The following AP1G1 variants were observed in gnomAD, a reference collection of about 807,000 sequenced individuals.
The protein encoded by AP1G1 is adaptor related protein complex 1 subunit gamma 1.
In AP1G1, 7 loss-of-function variants were observed where a neutral mutation model predicts 108.3. The ratio of observed to expected loss-of-function variants is 0.06; its 90% CI spans 0.04 to 0.12. The LOEUF (loss-of-function observed/expected upper bound fraction) is 0.12. Among genes scored for constraint, AP1G1 ranks in the 10% least tolerant of loss-of-function variants. The pLI is 1.00. For missense variants in AP1G1, 756 were observed against 1,010.7 expected (o/e 0.75, Z 3.42); for synonymous variants, 379 against 353.5 (o/e 1.07, Z -0.81).
intron 6 of AP1G1, chr16:71,767,953 T>A: frequency 6.6e-7 from 1 of 1,520,706 alleles, no homozygotes; most frequent in African/African-American, 1.4e-5. Context: ...TAGGGACAGA[T>A]ACGGGTCTCA....
chr16:71,765,726 A>C lies in AP1G1; in HGVS notation c.643-142T>G, dbSNP rs762435956. The C allele has an allele frequency of 1.3e-4, 86 of 639,114 alleles. 1 individual carries two copies. The highest frequency in any genetic ancestry group is 2.3e-4 in the Non-Finnish European group (82 of 351,704). The allele number at this position is 639,114 out of a possible 1,614,324, so 39.6% of individuals were successfully genotyped here. A position where few individuals can be genotyped will look rare whatever the true frequency, so the allele number is the denominator to read the frequency against. On this transcript the variant is annotated intron_variant, in intron 6 of 22. Transcript: ENST00000299980. Reference sequence around the variant, plus strand: ...GATTTAATATACTAGTGTATTGTAGATGTTTGATAAACTTAGGAGTAACTT... The same window carrying C: ...GATTTAATATACTAGTGTATTGTAGCTGTTTGATAAACTTAGGAGTAACTT...
chr16:71,808,653 A>G, intron 1 of AP1G1, 110 bp downstream of exon 1: 1 of 1,289,326 alleles, frequency 7.8e-7, no homozygotes, highest in Non-Finnish European at 1.0e-6. Context: ...CTCAACACCC[A>G]CAGCCTGGGA....
chr16:71,770,074 G>A (rs1308965924), intron 5 of AP1G1, among the ~76,000 whole-genome samples: 3 of 152,004 alleles, frequency 2.0e-5, no homozygotes, highest in Non-Finnish European at 4.4e-5. Context: ...AATTCAAGAG[G>A]CAAAAATCTT....
At chr16:71,808,494 G>GTCAAAGTCAAAGTCA in intron 1 of AP1G1, 3 of 1,265,432 alleles carry the variant, frequency 2.4e-6, no homozygotes, top group Non-Finnish European at 3.1e-6. Context: ...AGGGTTCAAG[G>GTCAAAGTCAAAGTCA]AGGCCCGTAC....
At chr16:71,734,785 A>C in intron 21 of AP1G1, 78 bp from the exon 22 acceptor site, 1 of 1,159,374 alleles carries the variant, frequency 8.6e-7, no homozygotes, top group South Asian at 1.2e-5. Flanking sequence ...CCATTTAGAC[A>C]CCCAGATGAT....
intron 2 of AP1G1, among the ~76,000 whole-genome samples, chr16:71,782,065 T>C (rs1371622234): frequency 1.3e-5 from 2 of 152,228 alleles, no homozygotes; most frequent in Non-Finnish European, 2.9e-5. Context: ...CATTTATTAG[T>C]TGGACTACAG....
intron 19 of AP1G1, among the ~76,000 whole-genome samples, chr16:71,740,131 G>C (rs944159200): frequency 1.3e-5 from 2 of 152,220 alleles, no homozygotes; most frequent in Admixed American, 1.3e-4. Context: ...AACCAATCTA[G>C]AGAGTAATTT....
intron 6 of AP1G1, 31 bp from the exon 7 acceptor site, chr16:71,765,615 G>A (rs371646526): frequency 6.5e-7 from 1 of 1,533,616 alleles, no homozygotes; most frequent in African/African-American, 1.4e-5. Flanking sequence ...TCAAAAAACA[G>A]TGAATATTGA....
chr16:71,738,283 T>C (rs2045575230), intron 21 of AP1G1, among the ~76,000 whole-genome samples: 1 of 151,692 alleles, frequency 6.6e-6, no homozygotes, highest in African/African-American at 2.4e-5. Flanking sequence ...GTTCTCGAAC[T>C]CCTGATCTCA....
At chr16:71,756,393 G>A (rs1212267014) in intron 11 of AP1G1, 12 of 385,570 alleles carry the variant, frequency 3.1e-5, no homozygotes, top group Non-Finnish European at 4.6e-5. Flanking sequence ...AAGTCCCTAC[G>A]AGATATACCA....
At chr16:71,756,399 T>C (rs1285369861) in intron 11 of AP1G1, 2 of 367,850 alleles carry the variant, frequency 5.4e-6, no homozygotes, top group South Asian at 6.9e-5. Context: ...CTACGAGATA[T>C]ACCACTAATG....
At chr16:71,764,180 T>A (rs2031221883) in intron 9 of AP1G1, among the ~76,000 whole-genome samples, 170 bp downstream of exon 9, 1 of 152,166 alleles carries the variant, frequency 6.6e-6, no homozygotes, top group Non-Finnish European at 1.5e-5. Context: ...ATGTTAAGCC[T>A]TCAGTGGGAA....
chr16:71,774,874 C>A (rs1008430332), intron 2 of AP1G1, among the ~76,000 whole-genome samples: 1 of 151,946 alleles, frequency 6.6e-6, no homozygotes, highest in African/African-American at 2.4e-5. Context: ...GAATTAGCCA[C>A]CATGCCTGGC....
At chr16:71,746,976 C>T (rs139900172) in intron 16 of AP1G1, 2,381 of 201,376 alleles carry the variant, frequency 0.012, 25 homozygotes, top group Non-Finnish European at 0.018. Flanking sequence ...ATGCCACTCC[C>T]TAAACTTTGC....
chr16:71,732,869 T>C lies in AP1G1; in HGVS notation c.*189A>G, dbSNP rs565304077. 16 of 536,446 alleles carry C rather than the reference T, an allele frequency of 3.0e-5. No homozygotes were observed. The East Asian group carries it at 4.9e-4, about 17-fold the overall frequency. The allele number at this position is 536,446 out of a possible 1,614,324, so 33.2% of individuals were successfully genotyped here. A position where few individuals can be genotyped will look rare whatever the true frequency, so the allele number is the denominator to read the frequency against. On this transcript the variant is annotated 3_prime_UTR_variant, in exon 23 of 23. Coordinates refer to ENST00000299980, the MANE Select transcript of AP1G1 (RefSeq NM_001128.6). ...CTCCAGAAGCAGCCAGCCTCAACAG[T>C]GGAGGAGAGGACATTAGTCTTTAAC... is the stretch of plus-strand genomic sequence containing the variant.
rs1046351 is a variant in AP1G1, at chr16:71,732,304, G to A, written c.*754C>T. 1 of 152,638 alleles carries A rather than the reference G, an allele frequency of 6.6e-6. No homozygotes were observed. Among genetic ancestry groups the A allele is most frequent in the African/African-American group, 2.4e-5 (1 of 41,454 alleles). The allele number at this position is 152,638 out of a possible 1,614,324, so 9.5% of individuals were successfully genotyped here. A position where few individuals can be genotyped will look rare whatever the true frequency, so the allele number is the denominator to read the frequency against. Reference sequence around the variant, plus strand: ...ATGGCGAGAAAGGGGAGCTGGAAGAGCCTTGGAAGTTTCTATTACAAATAG... The same window carrying A: ...ATGGCGAGAAAGGGGAGCTGGAAGAACCTTGGAAGTTTCTATTACAAATAG... On this transcript the variant is annotated 3_prime_UTR_variant, in exon 23 of 23. Coordinates refer to ENST00000299980, the MANE Select transcript of AP1G1 (RefSeq NM_001128.6).
intron 2 of AP1G1, among the ~76,000 whole-genome samples, chr16:71,778,409 G>A (rs568224743): frequency 4.6e-5 from 7 of 152,286 alleles, no homozygotes; most frequent in East Asian, 1.9e-4. Context: ...AAGGCCGGGC[G>A]CAGTGGCTCA....
intron 1 of AP1G1, among the ~76,000 whole-genome samples, chr16:71,800,585 A>G (rs1206754480): frequency 1.3e-5 from 2 of 150,844 alleles, no homozygotes; most frequent in Admixed American, 1.3e-4. Flanking sequence ...GCAGATCACG[A>G]GGTCAGGAGA....
At position 71,790,159 on chromosome 16, in the gene AP1G1, G is replaced by GA. The variant is rs1231456419; in HGVS notation, c.-3-678dup. On this transcript the variant is annotated intron_variant, in intron 1 of 22. Coordinates refer to ENST00000299980, the MANE Select transcript of AP1G1 (RefSeq NM_001128.6). The stretch of plus-strand genomic sequence containing the variant: ...CAGCCTAAATAATTGTTAACAAACA[G>GA]AAAAAACAGAACGTGCACTACCTAA... Among the ~76,000 whole-genome samples the GA allele has an allele frequency of 3.3e-5, 5 of 150,316 alleles. 1 individual carries two copies. In the South Asian group the frequency reaches 1.0e-3, roughly 31 times the overall value.
Sources: gnomAD v4.1 joint callset for allele counts (sites outside exome capture counted in the v4.1 genomes callset) on GRCh38, gnomAD v4.1.1 for gene constraint, MANE v1.5 for transcripts, NCBI Gene and HGNC (gene_info 2026-07-23, HGNC 2026-07-21) for gene names.